PARD3B: variants seen among roughly 807,000 people sequenced by gnomAD.
The protein encoded by PARD3B is par-3 family cell polarity regulator beta, also known as partitioning defective 3 homolog B.
In PARD3B, 103 loss-of-function variants were observed where a neutral mutation model predicts 130.2. That is an observed-to-expected ratio of 0.79 (90% CI 0.67 to 0.93). PARD3B has a LOEUF of 0.93. Ranked by LOEUF, PARD3B falls within the 40% of genes least tolerant of loss-of-function variation. The probability of loss-of-function intolerance (pLI) is 0.00; values close to 1 mark genes in which losing one functional copy is unlikely to be tolerated. For synonymous variants in PARD3B, 583 were observed against 553.2 expected, an observed-to-expected ratio of 1.05 and a Z score of -0.76; for missense variants, 1,609 against 1,499.2, an observed-to-expected ratio of 1.07 and a Z score of -1.21.
intron 1 of PARD3B, among the ~76,000 whole-genome samples, chr2:204,641,602 C>A (rs1335386191): frequency 6.6e-6 from 1 of 152,084 alleles, no homozygotes; most frequent in African/African-American, 2.4e-5. Context: ...CTTTGGATAT[C>A]TGTTTACTCT....
At chr2:205,098,802 T>G (rs1216335533) in intron 4 of PARD3B, among the ~76,000 whole-genome samples, 1 of 152,132 alleles carries the variant, frequency 6.6e-6, no homozygotes. Context: ...TGTAAACACC[T>G]TTACTTTCCA....
At chr2:204,587,091 A>C (rs940303218) in intron 1 of PARD3B, among the ~76,000 whole-genome samples, 3 of 152,186 alleles carry the variant, frequency 2.0e-5, no homozygotes, top group Non-Finnish European at 4.4e-5. Context: ...GTGACTCTTC[A>C]TGTCCTGTAA....
At chr2:205,333,031 G>A (rs1352472576) in intron 18 of PARD3B, among the ~76,000 whole-genome samples, 1 of 152,048 alleles carries the variant, frequency 6.6e-6, no homozygotes, top group African/African-American at 2.4e-5. Flanking sequence ...ATGAATAATA[G>A]TTAACTCATG....
At chr2:205,202,301 T>C (rs1482554626) in intron 15 of PARD3B, among the ~76,000 whole-genome samples, 2 of 152,194 alleles carry the variant, frequency 1.3e-5, no homozygotes, top group Admixed American at 1.3e-4. Context: ...ACCATTTGAG[T>C]TGGAAGCAAA....
At chr2:205,192,951 G>C (rs970274206) in intron 14 of PARD3B, among the ~76,000 whole-genome samples, 2 of 152,130 alleles carry the variant, frequency 1.3e-5, no homozygotes, top group Admixed American at 6.5e-5. Context: ...ATCCCAATTA[G>C]CAGAAATCAG....
intron 2 of PARD3B, among the ~76,000 whole-genome samples, chr2:204,687,323 T>C (rs558530530): frequency 6.6e-6 from 1 of 152,272 alleles, no homozygotes; most frequent in South Asian, 2.1e-4. Context: ...CTTTATGTTG[T>C]TATTAGCGAT....
chr2:205,278,352 A>T (rs2105825006), intron 16 of PARD3B, among the ~76,000 whole-genome samples: 1 of 152,312 alleles, frequency 6.6e-6, no homozygotes, highest in Admixed American at 6.5e-5. Context: ...TTCAGTGAAT[A>T]GATTTTCAAG....
rs2051309287 is a variant in PARD3B at position 205,525,771 on chromosome 2, A to G, written c.3180+25740A>G. ...TGGTGACAAGTCCAGCTCAATGAGA[A>G]TCTCGACAAAGGGCCTGACTCTCTC... On this transcript the variant is annotated intron_variant, in intron 21 of 22. Transcript: ENST00000406610. This position sits in a 1 kb window ranked among gnomAD's most constrained non-coding sequence, Gnocchi z 4.2. Among the ~76,000 whole-genome samples the G allele has an allele frequency of 6.6e-6, 1 of 152,136 alleles. No homozygotes were observed. Among genetic ancestry groups the G allele is most frequent in the African/African-American group, 2.4e-5 (1 of 41,434 alleles).
chr2:205,037,677 CTATA>C (rs67377114), intron 3 of PARD3B, among the ~76,000 whole-genome samples: 15 of 148,604 alleles, frequency 1.0e-4, no homozygotes, highest in African/African-American at 3.0e-4. Context: ...ATATAGTGGA[CTATA>C]TATATATATG....
chr2:205,612,865 C>T (rs1363406925), intron 22 of PARD3B, among the ~76,000 whole-genome samples: 5 of 152,192 alleles, frequency 3.3e-5, no homozygotes, highest in Non-Finnish European at 5.9e-5. Flanking sequence ...CGGGAAGCCT[C>T]CCCCTCACTG....
At position 205,209,557 on chromosome 2, in the gene PARD3B, A is replaced by T. The variant is rs1559545242; in HGVS notation, c.2140+16237A>T. On this transcript the variant is annotated intron_variant, in intron 15 of 22. Transcript: ENST00000406610. Reference sequence around the variant, plus strand: ...GAATTTCATTAGTTGAAAATGTTATATATAATGTGCAATTAAATATACAAT... The same window carrying T: ...GAATTTCATTAGTTGAAAATGTTATTTATAATGTGCAATTAAATATACAAT... 2.0e-5 allele frequency among the ~76,000 whole-genome samples: 3 copies of T among 151,250 alleles called. No homozygotes were observed. In the South Asian group the frequency reaches 6.2e-4, roughly 31 times the overall value.
intron 2 of PARD3B, among the ~76,000 whole-genome samples, chr2:204,718,508 A>G (rs2038844168): frequency 6.6e-6 from 1 of 152,122 alleles, no homozygotes; most frequent in Non-Finnish European, 1.5e-5. Context: ...AGAACAGCAT[A>G]GGGGAAACCA....
chr2:205,155,956 T>G (rs1399128182), intron 10 of PARD3B, among the ~76,000 whole-genome samples: 1 of 152,106 alleles, frequency 6.6e-6, no homozygotes, highest in Admixed American at 6.5e-5. Flanking sequence ...TAAAGACACA[T>G]GCACACGTAT....
At chr2:205,240,808 TC>T (rs2039319679) in intron 15 of PARD3B, among the ~76,000 whole-genome samples, 2 of 152,110 alleles carry the variant, frequency 1.3e-5, no homozygotes, top group African/African-American at 4.8e-5. Context: ...GGGATTGTTT[TC>T]CCCCAGTGAG....
At chr2:205,480,771 T>C (rs997940008) in intron 20 of PARD3B, among the ~76,000 whole-genome samples, 3 of 152,108 alleles carry the variant, frequency 2.0e-5, no homozygotes, top group Non-Finnish European at 4.4e-5. Flanking sequence ...GAAGTGAGAA[T>C]TGATAGATAA....
chr2:205,208,689 A>G (rs2037456235), intron 15 of PARD3B, among the ~76,000 whole-genome samples: 2 of 145,030 alleles, frequency 1.4e-5, no homozygotes, highest in African/African-American at 2.7e-5. Flanking sequence ...TTCAAGGAGA[A>G]CTACAAACCA....
intron 2 of PARD3B, among the ~76,000 whole-genome samples, chr2:204,897,385 G>GTTTTTTTTTTTTTTTTTTT (rs56693580): frequency 1.6e-5 from 2 of 127,676 alleles, no homozygotes; most frequent in Non-Finnish European, 3.2e-5. Flanking sequence ...TGTAGGTACT[G>GTTTTTTTTTTTTTTTTTTT]TTTTTTTTTT....
intron 2 of PARD3B, among the ~76,000 whole-genome samples, chr2:204,875,191 C>G (rs2045789380): frequency 6.6e-6 from 1 of 152,170 alleles, no homozygotes; most frequent in African/African-American, 2.4e-5. Context: ...AACCATCACC[C>G]TAATCTTAGG....
intron 2 of PARD3B, among the ~76,000 whole-genome samples, chr2:204,920,907 G>A (rs1462121594): frequency 6.6e-6 from 1 of 152,100 alleles, no homozygotes; most frequent in African/African-American, 2.4e-5. Context: ...CATTTCCTTT[G>A]CTCAGTGTCA....
Sources: allele counts gnomAD v4.1 joint callset (sites outside exome capture counted in the v4.1 genomes callset), GRCh38; gene constraint gnomAD v4.1.1; non-coding constraint Gnocchi (gnomAD v3.1); transcripts MANE v1.5; gene names NCBI Gene and HGNC (gene_info 2026-07-23, HGNC 2026-07-21).